KANK4: variants seen among roughly 807,000 people sequenced by gnomAD.
KANK4 encodes KN motif and ankyrin repeat domains 4.
KANK4 carries 50 observed loss-of-function variants against 80.8 expected under a neutral mutation model. That is an observed-to-expected ratio of 0.62 (90% CI 0.49 to 0.78). KANK4 has a LOEUF of 0.78. KANK4 is among the 30% of genes least tolerant of loss of function. KANK4 has a pLI of 0.00. For missense variants in KANK4, 1,196 were observed against 1,240.1 expected, an observed-to-expected ratio of 0.96 and a Z score of 0.53; for synonymous variants, 465 against 506.9, an observed-to-expected ratio of 0.92 and a Z score of 1.11.
At chr1:62,258,651 C>T (rs915398790) in intron 7 of KANK4, among the ~76,000 whole-genome samples, 1 of 152,184 alleles carries the variant, frequency 6.6e-6, no homozygotes, top group Non-Finnish European at 1.5e-5. Context: ...TTTCACTCAA[C>T]ACCTACTAGG....
At chr1:62,276,621 C>A (rs530499159) in intron 2 of KANK4, among the ~76,000 whole-genome samples, 1 of 152,100 alleles carries the variant, frequency 6.6e-6, no homozygotes, top group East Asian at 1.9e-4. Flanking sequence ...ACTAAAAATA[C>A]AAAAAGTTAG....
intron 9 of KANK4, among the ~76,000 whole-genome samples, chr1:62,244,198 TA>T (rs1671412891): frequency 1.3e-5 from 2 of 148,946 alleles, no homozygotes; most frequent in African/African-American, 2.6e-5. Flanking sequence ...GTTTATTTTT[TA>T]TTTTTTTTTT....
rs1354584777 is a variant in KANK4, at chr1:62,274,346, G to A, written c.758C>T (p.Ser253Leu). The change falls in exon 3 of 10, where the codon TCA (serine) becomes TTA (leucine). Residue 253 changes from serine (S) to leucine (L), a missense_variant. Ser to Leu is a moderately radical substitution (Grantham distance 145, BLOSUM62 -2). Coordinates refer to ENST00000371153, the MANE Select transcript of KANK4 (RefSeq NM_181712.5). ...TAGAACTACAAGCACATTCTGGAATGAGAAAGGAGGGCCTGGGAGAGGGAG... is the reference window on the plus strand; with the variant it reads ...TAGAACTACAAGCACATTCTGGAATAAGAAAGGAGGGCCTGGGAGAGGGAG... The part of the protein sequence containing the change: ...NHLPLPGPPF[S>L]FQNVLVVLED... 2 of 1,614,090 alleles carry A rather than the reference G, an allele frequency of 1.2e-6. No individual in the cohort carries two copies. The highest frequency in any genetic ancestry group is 3.3e-5 in the Admixed American group (2 of 60,006).
chr1:62,258,238 T>C (rs1044248018), intron 7 of KANK4, among the ~76,000 whole-genome samples: 2 of 152,178 alleles, frequency 1.3e-5, no homozygotes, highest in Admixed American at 1.3e-4. Context: ...TATATGTATA[T>C]CACACTAAGC....
intron 8 of KANK4, 81 bp downstream of exon 8, chr1:62,252,986 G>A: frequency 6.6e-7 from 1 of 1,505,720 alleles, no homozygotes; most frequent in Non-Finnish European, 9.1e-7. Flanking sequence ...GATCTGCATG[G>A]AATTTCTCAC....
At chr1:62,254,167 A>G (rs6692004) in intron 7 of KANK4, among the ~76,000 whole-genome samples, 11,656 of 152,104 alleles carry the variant, frequency 0.077, 474 homozygotes, top group African/African-American at 0.096. Context: ...AAATGGAGGG[A>G]AAAAAAACTC....
intron 2 of KANK4, among the ~76,000 whole-genome samples, chr1:62,278,372 CCTTCCT>C (rs1672367081): frequency 4.1e-5 from 1 of 24,286 alleles, no homozygotes; most frequent in African/African-American, 2.9e-4. Flanking sequence ...TTCCTTCCTT[CCTTCCT>C]TTCTTTCTTT....
rs1481990953 is a variant in KANK4, at chr1:62,274,112, C to T, written c.992G>A (p.Ser331Asn). 6.2e-7 allele frequency: 1 copy of T among 1,614,222 alleles called. No individual in the cohort carries two copies. Among genetic ancestry groups the T allele is most frequent in the African/African-American group, 1.3e-5 (1 of 75,054 alleles). The change falls in exon 3 of 10, where the codon AGC (serine) becomes AAC (asparagine). Residue 331 changes from serine to asparagine, a missense_variant. Transcript: ENST00000371153. ...RSIGIRVTEE[S>N]LGLARVDPGS... Reference sequence around the variant, plus strand: ...TGGATCCACCCTGGCAAGGCCCAGGCTTTCCTCAGTTACCCTGATGCCAAT... The same window carrying T: ...TGGATCCACCCTGGCAAGGCCCAGGTTTTCCTCAGTTACCCTGATGCCAAT...
At chr1:62,271,352 C>T (rs1672156826) in intron 4 of KANK4, 126 bp downstream of exon 4, 1 of 709,002 alleles carries the variant, frequency 1.4e-6, no homozygotes, top group South Asian at 1.6e-5. Context: ...TTTAAAGGGC[C>T]ATTGAAATTA....
Position 62,247,574 on chromosome 1 carries a change from G to A in KANK4, c.2781C>T (p.His927=), listed in dbSNP as rs10889315. ...CCACCATGAGGGCCGAGGATCCATCGTGGTCCTGCAGATTGACATCTGCCT... is the reference window on the plus strand; with the variant it reads ...CCACCATGAGGGCCGAGGATCCATCATGGTCCTGCAGATTGACATCTGCCT... ...SCQADVNLQD[H]DGSSALMVAC... Residue 927 remains histidine (H), a synonymous_variant, in exon 9 of 10, where the codon CAC becomes CAT. Transcript: ENST00000371153. 649,554 of 1,613,680 alleles carry A rather than the reference G, an allele frequency of 0.4. 133,041 individuals are homozygous for A. The highest frequency in any genetic ancestry group is 0.42 in the Middle Eastern group (2,510 of 6,038).
chr1:62,266,295 A>G (rs957253450), intron 6 of KANK4, among the ~76,000 whole-genome samples: 2 of 152,198 alleles, frequency 1.3e-5, no homozygotes, highest in African/African-American at 2.4e-5. Flanking sequence ...CCTGGCCTGC[A>G]CACTCACACC....
chr1:62,255,410 T>C (rs931688934), intron 7 of KANK4, among the ~76,000 whole-genome samples: 7 of 152,104 alleles, frequency 4.6e-5, no homozygotes, highest in African/African-American at 1.7e-4. Context: ...TGTTGCTCTT[T>C]TTATTTGTTT....
intron 1 of KANK4, among the ~76,000 whole-genome samples, chr1:62,314,384 G>A (rs1267706648): frequency 6.6e-6 from 1 of 152,158 alleles, no homozygotes; most frequent in African/African-American, 2.4e-5. Flanking sequence ...GGAGAGCGGG[G>A]TGGGAAACAC....
Position 62,304,958 on chromosome 1 carries a change from G to C in KANK4, c.-71+14148C>G, listed in dbSNP as rs145591316. 3.9e-5 allele frequency among the ~76,000 whole-genome samples: 6 copies of C among 152,182 alleles called. 1 individual carries two copies. The highest frequency in any genetic ancestry group is 9.6e-5 in the African/African-American group (4 of 41,542). ...CAGAGGGTTCAATGAGATAATGGGA[G>C]TACAAGTGCTTTGCTAAAGACGAAG... On this transcript the variant is annotated intron_variant, in intron 1 of 9. Transcript: ENST00000371153.
intron 9 of KANK4, among the ~76,000 whole-genome samples, chr1:62,240,561 T>C (rs1312950075): frequency 6.6e-6 from 1 of 152,086 alleles, no homozygotes; most frequent in Non-Finnish European, 1.5e-5. Context: ...CCCAGCTACT[T>C]GGGAGGCTGA....
chr1:62,307,325 T>C (rs1006054737), intron 1 of KANK4, among the ~76,000 whole-genome samples: 1 of 151,698 alleles, frequency 6.6e-6, no homozygotes, highest in Admixed American at 6.6e-5. Context: ...CTACTAAAAA[T>C]ACAAAAATTA....
intron 4 of KANK4, 49 bp from the exon 5 acceptor site, chr1:62,268,554 C>T (rs777893405): frequency 2.0e-6 from 3 of 1,481,528 alleles, no homozygotes; most frequent in Non-Finnish European, 1.9e-6. Context: ...TGCCCAGTGC[C>T]CATGTCAACA....
rs936418984 is a variant in KANK4, at chr1:62,263,154, G to A, written c.2477C>T (p.Thr826Met). 7 of 1,613,818 alleles carry A rather than the reference G, an allele frequency of 4.3e-6. No individual in the cohort carries two copies. The highest frequency in any genetic ancestry group is 1.7e-5 in the Admixed American group (1 of 59,980). Residue 826 changes from threonine (T) to methionine (M), a missense_variant, in exon 7 of 10, where the codon ACG becomes ATG. Physicochemically the swap from Thr to Met is moderately conservative, Grantham distance 81 (BLOSUM62 -1). Coordinates refer to ENST00000371153, the MANE Select transcript of KANK4 (RefSeq NM_181712.5). The stretch of plus-strand genomic sequence containing the variant: ...GTGGGACACGCTGTAGTGAAGGGCC[G>A]TGTTCCCGTTGTGATCGGCCAAGTT... ...LVNLADHNGN[T>M]ALHYSVSHSN...
intron 1 of KANK4, among the ~76,000 whole-genome samples, chr1:62,290,813 C>G (rs1202158399): frequency 6.6e-6 from 1 of 151,140 alleles, no homozygotes; most frequent in Non-Finnish European, 1.5e-5. Flanking sequence ...GGCGCGATCT[C>G]GGCTCACTGC....
Sources: gnomAD v4.1 joint callset for allele counts (sites outside exome capture counted in the v4.1 genomes callset) on GRCh38, gnomAD v4.1.1 for gene constraint, MANE v1.5 for transcripts, NCBI Gene and HGNC (gene_info 2026-07-23, HGNC 2026-07-21) for gene names.